ZBBX: variants seen among roughly 807,000 people sequenced by gnomAD.
ZBBX encodes zinc finger B-box domain-containing protein 1.
In ZBBX, 101 loss-of-function variants were observed where a neutral mutation model predicts 108.5. The observed-to-expected ratio is 0.93, with a 90% CI of 0.79 to 1.10. The LOEUF is 1.10. Among genes scored for constraint, ZBBX ranks in the 50% least tolerant of loss-of-function variants. ZBBX has a pLI of 0.00. For missense variants in ZBBX, 1,009 were observed against 941.4 expected (o/e 1.07, Z -0.94); for synonymous variants, 356 against 323.4 (o/e 1.10, Z -1.08).
At chr3:167,356,787 T>C (rs1189391871) in intron 8 of ZBBX, among the ~76,000 whole-genome samples, 1 of 152,074 alleles carries the variant, frequency 6.6e-6, no homozygotes, top group Admixed American at 6.6e-5. Flanking sequence ...TGCAGATAAG[T>C]AGAAAATAAA....
chr3:167,279,790 G>C (rs1250104408), intron 20 of ZBBX, among the ~76,000 whole-genome samples: 2 of 152,120 alleles, frequency 1.3e-5, no homozygotes, highest in East Asian at 1.9e-4. Flanking sequence ...GCATCGCCAA[G>C]TCAATCCTAA....
At chr3:167,378,829 G>GT (rs1467184594) in intron 2 of ZBBX, among the ~76,000 whole-genome samples, 5 of 152,196 alleles carry the variant, frequency 3.3e-5, no homozygotes, top group South Asian at 2.1e-4. Context: ...AAGGCTGCCT[G>GT]TATCATGAAG....
chr3:167,194,478 C>G, the ZBBX span, among the ~76,000 whole-genome samples: 1 of 152,230 alleles, frequency 6.6e-6, no homozygotes, highest in East Asian at 1.9e-4. Flanking sequence ...ACTCCCCAAA[C>G]TATTTCACAG....
intron 20 of ZBBX, among the ~76,000 whole-genome samples, chr3:167,255,777 C>T (rs1162097475): frequency 6.6e-6 from 1 of 151,926 alleles, no homozygotes; most frequent in Non-Finnish European, 1.5e-5. Context: ...AACACATCTC[C>T]CCAGGCATTA....
chr3:167,329,372 G>A (rs951728200), intron 10 of ZBBX, among the ~76,000 whole-genome samples: 1 of 152,138 alleles, frequency 6.6e-6, no homozygotes, highest in Non-Finnish European at 1.5e-5. Flanking sequence ...AAAATAAACA[G>A]GCAGCTTGTT....
At chr3:167,394,246 G>A (rs1188644747) in intron 1 of ZBBX, among the ~76,000 whole-genome samples, 1 of 151,900 alleles carries the variant, frequency 6.6e-6, no homozygotes, top group East Asian at 1.9e-4. Flanking sequence ...GGGTTTTTCA[G>A]TGTTCTCTTT....
At chr3:167,350,247 T>C (rs1742392777) in intron 9 of ZBBX, among the ~76,000 whole-genome samples, 173 bp downstream of exon 9, 1 of 152,056 alleles carries the variant, frequency 6.6e-6, no homozygotes, top group Admixed American at 6.6e-5. Flanking sequence ...GAGTCTAGAT[T>C]AGTATTCAAT....
the ZBBX span, among the ~76,000 whole-genome samples, chr3:167,178,551 T>C: frequency 6.6e-6 from 1 of 152,152 alleles, no homozygotes; most frequent in African/African-American, 2.4e-5. Flanking sequence ...TGGCTGCAAC[T>C]GGGGGATCCT....
At chr3:167,213,439 GA>G in the ZBBX span, among the ~76,000 whole-genome samples, 1 of 152,048 alleles carries the variant, frequency 6.6e-6, no homozygotes, top group Non-Finnish European at 1.5e-5. Context: ...GCTGAGGAAA[GA>G]ATCTCAGAAT....
chr3:167,186,057 C>T, the ZBBX span, among the ~76,000 whole-genome samples: 2 of 151,706 alleles, frequency 1.3e-5, no homozygotes, highest in Non-Finnish European at 2.9e-5. Flanking sequence ...TCATGTTTTT[C>T]CAGAAAGATT....
chr3:167,318,480 G>A (rs1355511880), intron 12 of ZBBX, among the ~76,000 whole-genome samples: 2 of 152,010 alleles, frequency 1.3e-5, no homozygotes, highest in African/African-American at 4.8e-5. Flanking sequence ...CATTCAGGTA[G>A]TGAATGCAGA....
chr3:167,279,203 C>T (rs1009284811), intron 20 of ZBBX, among the ~76,000 whole-genome samples: 8 of 152,198 alleles, frequency 5.3e-5, no homozygotes, highest in Non-Finnish European at 2.9e-5. Context: ...GACAGGGATT[C>T]TGTCACCACT....
chr3:167,261,979 G>A (rs1327160974), intron 20 of ZBBX, among the ~76,000 whole-genome samples: 1 of 152,090 alleles, frequency 6.6e-6, no homozygotes, highest in East Asian at 1.9e-4. Flanking sequence ...TGTGGTGCAG[G>A]CAGGAATGGC....
the ZBBX span, among the ~76,000 whole-genome samples, chr3:167,213,286 T>C: frequency 7.2e-5 from 11 of 152,058 alleles, no homozygotes; most frequent in African/African-American, 2.7e-4. Flanking sequence ...CTGAGGAAAA[T>C]AAGAATCACA....
chr3:167,195,527 C>T, the ZBBX span, among the ~76,000 whole-genome samples: 45 of 152,244 alleles, frequency 3.0e-4, 1 homozygote, highest in African/African-American at 1.1e-3. Context: ...GTTGAACTTA[C>T]ATTTAATCAG....
At chr3:167,398,867 G>A (rs899689400) in intron 1 of ZBBX, among the ~76,000 whole-genome samples, 3 of 151,894 alleles carry the variant, frequency 2.0e-5, no homozygotes, top group African/African-American at 7.3e-5. Flanking sequence ...GGGTTATTAA[G>A]GTTCTGCCCT....
the ZBBX span, among the ~76,000 whole-genome samples, chr3:167,184,510 C>A: frequency 6.6e-6 from 1 of 152,060 alleles, no homozygotes; most frequent in African/African-American, 2.4e-5. Flanking sequence ...CTGGTATCTA[C>A]CCAAGTGAAA....
At chr3:167,188,320 T>A in the ZBBX span, among the ~76,000 whole-genome samples, 1 of 152,134 alleles carries the variant, frequency 6.6e-6, no homozygotes, top group Non-Finnish European at 1.5e-5. Flanking sequence ...ATATAAAATA[T>A]GTATTTTTAA....
the ZBBX span, among the ~76,000 whole-genome samples, chr3:167,221,960 T>C: frequency 6.6e-6 from 1 of 151,948 alleles, no homozygotes; most frequent in Non-Finnish European, 1.5e-5. Flanking sequence ...TCATATGTTG[T>C]TGGTGAGGAT....
Sources: gnomAD v4.1 joint callset for allele counts (sites outside exome capture counted in the v4.1 genomes callset) on GRCh38, gnomAD v4.1.1 for gene constraint, MANE v1.5 for transcripts, NCBI Gene and HGNC (gene_info 2026-07-23, HGNC 2026-07-21) for gene names.